Variants in CDH18 observed in about 807,000 individuals in gnomAD.
The protein encoded by CDH18 is cadherin-18.
In CDH18, 31 loss-of-function variants were observed where a neutral mutation model predicts 67.9. That is an observed-to-expected ratio of 0.46 (90% CI 0.34 to 0.62). CDH18 has a LOEUF of 0.62. Among genes scored for constraint, CDH18 ranks in the 20% least tolerant of loss-of-function variants. CDH18 has a pLI of 0.01. For synonymous variants in CDH18, 362 were observed against 347.2 expected (o/e 1.04, Z -0.48); for missense variants, 890 against 975.5 (o/e 0.91, Z 1.17).
chr5:20,306,487 C>T (rs541099460), intron 1 of CDH18, among the ~76,000 whole-genome samples: 3 of 151,770 alleles, frequency 2.0e-5, no homozygotes, highest in African/African-American at 7.2e-5. Flanking sequence ...ATACTCTTGG[C>T]TTTTAATACT....
chr5:19,730,768 T>TAA (rs70950092), intron 4 of CDH18, among the ~76,000 whole-genome samples: 2,552 of 147,014 alleles, frequency 0.017, 56 homozygotes, highest in East Asian at 0.053. Context: ...TATTAAATGG[T>TAA]AAAAAAAAAA....
chr5:19,803,756 G>A (rs1404379819), intron 3 of CDH18: 2 of 152,066 alleles, frequency 1.3e-5, no homozygotes, highest in African/African-American at 4.8e-5. Flanking sequence ...CTAATAAATT[G>A]TTTTCAACCA....
chr5:19,968,304 C>T (rs1478179771), intron 2 of CDH18, among the ~76,000 whole-genome samples: 1 of 152,070 alleles, frequency 6.6e-6, no homozygotes, highest in Non-Finnish European at 1.5e-5. Context: ...CCCCATCAAG[C>T]TACCAATGAC....
intron 2 of CDH18, among the ~76,000 whole-genome samples, chr5:19,954,032 G>A (rs535829801): frequency 1.3e-5 from 2 of 151,976 alleles, no homozygotes; most frequent in South Asian, 2.1e-4. Context: ...GACAGTAATT[G>A]GTCATTTTAC....
At chr5:20,164,474 G>C (rs772634192) in intron 2 of CDH18, among the ~76,000 whole-genome samples, 1 of 151,960 alleles carries the variant, frequency 6.6e-6, no homozygotes, top group Non-Finnish European at 1.5e-5. Flanking sequence ...ATTTTTAGTA[G>C]AGACGAGTTT....
At chr5:20,078,513 A>G (rs2150536626) in intron 2 of CDH18, among the ~76,000 whole-genome samples, 1 of 152,214 alleles carries the variant, frequency 6.6e-6, no homozygotes, top group Non-Finnish European at 1.5e-5. Flanking sequence ...ACATATGAAG[A>G]ACTTAAGGGA....
intron 3 of CDH18, among the ~76,000 whole-genome samples, chr5:19,824,178 T>C (rs1293048654): frequency 6.6e-6 from 1 of 152,268 alleles, no homozygotes; most frequent in African/African-American, 2.4e-5. Context: ...GGTCCAATAA[T>C]TGGATAGAAG....
At chr5:19,928,400 A>G (rs1793315532) in intron 2 of CDH18, among the ~76,000 whole-genome samples, 1 of 152,138 alleles carries the variant, frequency 6.6e-6, no homozygotes, top group Admixed American at 6.6e-5. Context: ...TAAACAAAAT[A>G]AAAGATGGGA....
At chr5:19,558,777 A>C (rs1738908582) in intron 8 of CDH18, among the ~76,000 whole-genome samples, 1 of 151,856 alleles carries the variant, frequency 6.6e-6, no homozygotes, top group Non-Finnish European at 1.5e-5. Flanking sequence ...AGAAGGAGAA[A>C]ATCTTCCCTA....
intron 1 of CDH18, among the ~76,000 whole-genome samples, chr5:20,497,511 T>A (rs977451719): frequency 6.6e-6 from 1 of 152,156 alleles, no homozygotes; most frequent in African/African-American, 2.4e-5. Flanking sequence ...TAGGCTGTAC[T>A]ATATACTGTA....
chr5:20,413,898 C>G (rs546867355), intron 1 of CDH18, among the ~76,000 whole-genome samples: 4 of 152,022 alleles, frequency 2.6e-5, no homozygotes, highest in African/African-American at 7.2e-5. Context: ...ATGCCTGTAA[C>G]CTGAATGGTA....
chr5:19,584,614 T>C (rs1743804138), intron 7 of CDH18, among the ~76,000 whole-genome samples: 1 of 151,350 alleles, frequency 6.6e-6, no homozygotes, highest in Non-Finnish European at 1.5e-5. Flanking sequence ...GAATGCAACA[T>C]GTACATACCT....
At chr5:19,589,973 CTCT>C (rs1346130737) in intron 7 of CDH18, among the ~76,000 whole-genome samples, 1 of 152,054 alleles carries the variant, frequency 6.6e-6, no homozygotes, top group Non-Finnish European at 1.5e-5. Context: ...CACTATATAA[CTCT>C]TCTTCATAGT....
At chr5:20,061,233 C>G (rs961557090) in intron 2 of CDH18, among the ~76,000 whole-genome samples, 1 of 151,704 alleles carries the variant, frequency 6.6e-6, no homozygotes, top group African/African-American at 2.4e-5. Context: ...AAATAAAAAA[C>G]TAGTAAATTT....
intron 1 of CDH18, among the ~76,000 whole-genome samples, chr5:20,284,646 C>T (rs752920279): frequency 1.4e-4 from 21 of 152,038 alleles, no homozygotes; most frequent in South Asian, 4.1e-4. Context: ...ACACTTAGTA[C>T]GACACCATGA....
chr5:19,811,384 G>T lies in CDH18; in HGVS notation c.228+27375C>A, dbSNP rs537451972. On this transcript the variant is annotated intron_variant, in intron 3 of 12. Transcript: ENST00000382275. The stretch of plus-strand genomic sequence containing the variant: ...TCAGTGATGTTCTTATAAAATGGAG[G>T]GCTTTGGACACTAGATACACATACA... Among the ~76,000 whole-genome samples the T allele has an allele frequency of 8.6e-5, 13 of 151,942 alleles. No individual in the cohort carries two copies. The East Asian group carries it at 2.3e-3, about 27-fold the overall frequency.
At chr5:20,364,349 G>A (rs1409536899) in intron 1 of CDH18, among the ~76,000 whole-genome samples, 3 of 136,616 alleles carry the variant, frequency 2.2e-5, no homozygotes, top group Non-Finnish European at 5.0e-5. Flanking sequence ...TAGACTGTTT[G>A]TTTTTAAAGT....
chr5:20,312,478 G>A (rs1270229283), intron 1 of CDH18, among the ~76,000 whole-genome samples: 5 of 152,006 alleles, frequency 3.3e-5, no homozygotes, highest in African/African-American at 1.2e-4. Flanking sequence ...TTAGGTTCTC[G>A]GCATTTGGAT....
At chr5:20,204,001 G>C (rs1739675059) in intron 2 of CDH18, among the ~76,000 whole-genome samples, 1 of 151,956 alleles carries the variant, frequency 6.6e-6, no homozygotes, top group South Asian at 2.1e-4. Context: ...CCTGCAAATA[G>C]AGAAAATTAT....
Sources: gnomAD v4.1 joint callset for allele counts (sites outside exome capture counted in the v4.1 genomes callset) on GRCh38, gnomAD v4.1.1 for gene constraint, MANE v1.5 for transcripts, NCBI Gene and HGNC (gene_info 2026-07-23, HGNC 2026-07-21) for gene names.